EXT2: variants seen among roughly 807,000 people sequenced by gnomAD.
EXT2 encodes exostosin-2.
EXT2 carries 53 observed loss-of-function variants against 81.6 expected under a neutral mutation model. That is an observed-to-expected ratio of 0.65 (90% confidence interval 0.52 to 0.82). The LOEUF is 0.82. Ranked by LOEUF, EXT2 falls within the 40% of genes least tolerant of loss-of-function variation. The pLI is 0.00. For missense variants in EXT2, 774 were observed against 910.2 expected (o/e 0.85, Z 1.93); for synonymous variants, 320 against 340.0 (o/e 0.94, Z 0.65).
At position 44,246,815 on chromosome 11, in the gene EXT2, A is replaced by G. The variant is rs1048904995; in HGVS notation, c.*2528A>G. On this transcript the variant is annotated 3_prime_UTR_variant, in exon 14 of 14. Coordinates refer to ENST00000533608, the MANE Select transcript of EXT2 (RefSeq NM_207122.2). ...TCACCCATAAGCTTAGGTCAGGATC[A>G]TCTGTCCTCGGGATGCCATAGAGCC... 1.3e-5 allele frequency among the ~76,000 whole-genome samples: 2 copies of G among 152,252 alleles called. No individual in the cohort carries two copies. The highest frequency in any genetic ancestry group is 1.9e-4 in the East Asian group (1 of 5,180).
intron 1 of EXT2, among the ~76,000 whole-genome samples, chr11:44,096,513 T>C (rs904831952): frequency 6.6e-6 from 1 of 151,136 alleles, no homozygotes; most frequent in South Asian, 2.1e-4. Flanking sequence ...GCCGGGGGCC[T>C]GTCAGGACGG....
chr11:44,151,653 T>C (rs934769579), intron 7 of EXT2, among the ~76,000 whole-genome samples: 2 of 152,200 alleles, frequency 1.3e-5, no homozygotes, highest in African/African-American at 4.8e-5. Context: ...ATGTTTTGTA[T>C]ATGAATAAAG....
At chr11:44,105,857 T>G (rs1201048182) in intron 1 of EXT2, among the ~76,000 whole-genome samples, 1 of 152,226 alleles carries the variant, frequency 6.6e-6, no homozygotes, top group Non-Finnish European at 1.5e-5. Flanking sequence ...TATCTATAGC[T>G]GTATAACAAA....
chr11:44,131,509 G>A (rs377408312), intron 7 of EXT2, among the ~76,000 whole-genome samples: 10 of 152,250 alleles, frequency 6.6e-5, no homozygotes, highest in East Asian at 1.9e-4. Context: ...TGGTTTGAAC[G>A]CAAATCGCAG....
At chr11:44,214,126 T>G (rs1040394984) in intron 10 of EXT2, among the ~76,000 whole-genome samples, 1 of 151,784 alleles carries the variant, frequency 6.6e-6, no homozygotes, top group Non-Finnish European at 1.5e-5. Flanking sequence ...TTCTTCTTCT[T>G]TTTTTTTGAG....
At chr11:44,127,628 T>C (rs1306997127) in intron 6 of EXT2, among the ~76,000 whole-genome samples, 2 of 152,192 alleles carry the variant, frequency 1.3e-5, no homozygotes, top group Non-Finnish European at 2.9e-5. Flanking sequence ...GACTGTTGCT[T>C]TTCAGAAAAT....
At chr11:44,231,256 T>C (rs979128906) in intron 10 of EXT2, among the ~76,000 whole-genome samples, 3 of 152,184 alleles carry the variant, frequency 2.0e-5, no homozygotes, top group Non-Finnish European at 4.4e-5. Flanking sequence ...CAGTACTCGC[T>C]AATGGATTGA....
At chr11:44,141,005 C>A (rs771646940) in intron 7 of EXT2, among the ~76,000 whole-genome samples, 16 of 152,102 alleles carry the variant, frequency 1.1e-4, no homozygotes, top group South Asian at 2.1e-4. Flanking sequence ...ATAAAATATA[C>A]TGATTCATTT....
chr11:44,201,879 T>A (rs184793519), intron 9 of EXT2, among the ~76,000 whole-genome samples: 15 of 152,354 alleles, frequency 9.8e-5, no homozygotes, highest in African/African-American at 3.1e-4. Context: ...ATTTTAATGC[T>A]TATTCTTTGA....
chr11:44,220,689 G>A lies in EXT2; in HGVS notation c.1663-11664G>A, dbSNP rs1408495875. ...TGTAGGAGAACTAAATAATCTATTA[G>A]GTCTGTCCTATCTCCAGCTTGCATT... On this transcript the variant is annotated intron_variant, in intron 10 of 13. Coordinates refer to ENST00000533608, the MANE Select transcript of EXT2 (RefSeq NM_207122.2). The surrounding 1 kb of genome is among the most constrained non-coding windows in gnomAD (Gnocchi z 4.4). Among the ~76,000 whole-genome samples, 1 of 152,144 alleles carries A rather than the reference G, an allele frequency of 6.6e-6. No individual in the cohort carries two copies. Among genetic ancestry groups the A allele is most frequent in the Non-Finnish European group, 1.5e-5 (1 of 68,026 alleles).
chr11:44,243,414 T>G (rs1254421916), intron 13 of EXT2, among the ~76,000 whole-genome samples: 3 of 152,136 alleles, frequency 2.0e-5, no homozygotes, highest in African/African-American at 4.8e-5. Context: ...TGTGCTGCAC[T>G]GGCACTGAAG....
At position 44,250,343 on chromosome 11, in the gene EXT2, C is replaced by A. The variant is rs1956128777; in HGVS notation, c.*6056C>A. 6.6e-6 allele frequency among the ~76,000 whole-genome samples: 1 copy of A among 152,216 alleles called. No individual in the cohort carries two copies. Among genetic ancestry groups the A allele is most frequent in the Non-Finnish European group, 1.5e-5 (1 of 68,040 alleles). ...AAATGTCCTTTTCTCACAGTGACTT[C>A]CCTTGACCATGCCTTAGTTTCCTCA... is the stretch of plus-strand genomic sequence containing the variant. On this transcript the variant is annotated 3_prime_UTR_variant, in exon 14 of 14. Transcript: ENST00000533608.
intron 4 of EXT2, among the ~76,000 whole-genome samples, chr11:44,117,758 T>G (rs1294753474): frequency 6.6e-6 from 1 of 152,248 alleles, no homozygotes; most frequent in Non-Finnish European, 1.5e-5. Context: ...ACTTTGTTCT[T>G]CCTTTTTCTT....
chr11:44,109,086 G>A, intron 2 of EXT2, 108 bp from the exon 3 acceptor site: 1 of 1,112,346 alleles, frequency 9.0e-7, no homozygotes, highest in African/African-American at 1.5e-5. Flanking sequence ...TACCTGAGAA[G>A]CGGCCCTATT....
chr11:44,207,235 A>T (rs1955594851), intron 10 of EXT2, among the ~76,000 whole-genome samples: 1 of 152,246 alleles, frequency 6.6e-6, no homozygotes, highest in Non-Finnish European at 1.5e-5. Flanking sequence ...CATCTATAGC[A>T]TTTAACAAGC....
intron 7 of EXT2, among the ~76,000 whole-genome samples, chr11:44,159,116 T>C (rs927024777): frequency 6.9e-6 from 1 of 145,254 alleles, no homozygotes; most frequent in African/African-American, 2.5e-5. Flanking sequence ...GTTTTTGCTT[T>C]CGTTCTTTTT....
chr11:44,227,574 A>G (rs1344870899), intron 10 of EXT2, among the ~76,000 whole-genome samples: 1 of 152,242 alleles, frequency 6.6e-6, no homozygotes. Flanking sequence ...CACTTTCTAT[A>G]GGATGTGAGA....
intron 13 of EXT2, 87 bp from the exon 14 acceptor site, chr11:44,244,062 T>C: frequency 2.4e-6 from 3 of 1,245,238 alleles, no homozygotes; most frequent in Non-Finnish European, 2.4e-6. Context: ...TCTCTCAACC[T>C]CTTGAACATA....
Position 44,171,468 on chromosome 11 carries a change from G to A in EXT2, c.1174-143G>A, listed in dbSNP as rs552650592. The A allele has an allele frequency of 6.1e-4, 721 of 1,191,112 alleles. 1 individual carries two copies. Among genetic ancestry groups the A allele is most frequent in the Admixed American group, 8.0e-4 (46 of 57,290 alleles). 73.8% of individuals were successfully genotyped at this position (1,191,112 alleles called of 1,614,324 possible). A position where few individuals can be genotyped will look rare whatever the true frequency, so the allele number is the denominator to read the frequency against. On this transcript the variant is annotated intron_variant, in intron 7 of 13. Coordinates refer to ENST00000533608, the MANE Select transcript of EXT2 (RefSeq NM_207122.2). ...CTGATGGCAGCTGGCTTGAACAGCA[G>A]GGAGCATATGCCCTAGGCACCCCCA...
Sources: gnomAD v4.1 joint callset for allele counts (sites outside exome capture counted in the v4.1 genomes callset) on GRCh38, gnomAD v4.1.1 for gene constraint, Gnocchi (gnomAD v3.1) non-coding constraint, MANE v1.5 for transcripts, NCBI Gene and HGNC (gene_info 2026-07-23, HGNC 2026-07-21) for gene names.